Variants in MOBP observed in about 807,000 individuals in gnomAD.
The protein encoded by MOBP is myelin associated oligodendrocyte basic protein.
In MOBP, 5 loss-of-function variants were observed where a neutral mutation model predicts 15.0. The observed-to-expected ratio is 0.33, with a 90% confidence interval of 0.17 to 0.70. MOBP has a LOEUF of 0.70. Ranked by LOEUF, MOBP falls within the 30% of genes least tolerant of loss-of-function variation. The pLI is 0.67. For synonymous variants in MOBP, 88 were observed against 99.0 expected (o/e 0.89, Z 0.66); for missense variants, 188 against 257.8 (o/e 0.73, Z 1.85).
At chr3:39,523,228 G>C (rs532218551) in intron 3 of MOBP, among the ~76,000 whole-genome samples, 1 of 152,248 alleles carries the variant, frequency 6.6e-6, no homozygotes, top group Non-Finnish European at 1.5e-5. Context: ...TCTGCCCTGA[G>C]CAATATTTCT....
chr3:39,487,516 T>C (rs2042730836), intron 2 of MOBP, among the ~76,000 whole-genome samples: 1 of 138,180 alleles, frequency 7.2e-6, no homozygotes, highest in Non-Finnish European at 1.5e-5. Flanking sequence ...AGAATTTTCT[T>C]TCTTTTTTTT....
At chr3:39,473,887 C>T (rs2042504796) in intron 1 of MOBP, among the ~76,000 whole-genome samples, 1 of 152,182 alleles carries the variant, frequency 6.6e-6, no homozygotes, top group African/African-American at 2.4e-5. Context: ...TTAAACTAGA[C>T]TGGCTAAGAA....
At chr3:39,505,012 T>G (rs770332798), downstream of MOBP, among the ~76,000 whole-genome samples, 3 of 152,256 alleles carry the variant, frequency 2.0e-5, no homozygotes, top group Non-Finnish European at 4.4e-5. Context: ...AGAAACTGAT[T>G]GTACGATTTC....
intron 3 of MOBP, among the ~76,000 whole-genome samples, chr3:39,521,006 G>A (rs1256515720): frequency 6.6e-6 from 1 of 151,790 alleles, no homozygotes; most frequent in Non-Finnish European, 1.5e-5. Flanking sequence ...GAGTGCAGTG[G>A]CACAATCTCG....
intron 2 of MOBP, among the ~76,000 whole-genome samples, chr3:39,491,503 G>C (rs2042794678): frequency 6.6e-6 from 1 of 151,744 alleles, no homozygotes; most frequent in Admixed American, 6.6e-5. Flanking sequence ...GCTTCTCAAT[G>C]GGTATGATTT....
At chr3:39,491,920 G>A (rs2125643655) in intron 2 of MOBP, among the ~76,000 whole-genome samples, 1 of 152,276 alleles carries the variant, frequency 6.6e-6, no homozygotes, top group Middle Eastern at 3.4e-3. Flanking sequence ...TTTTTTGTGT[G>A]TGTATGAGGG....
chr3:39,523,318 T>C (rs1217302289), intron 3 of MOBP, among the ~76,000 whole-genome samples: 4 of 152,250 alleles, frequency 2.6e-5, no homozygotes, highest in African/African-American at 9.6e-5. Context: ...CCTCTCAGTA[T>C]AATCTGATAC....
exon 5 of MOBP, chr3:39,524,875 C>A (rs1294950861): frequency 6.6e-6 from 1 of 151,994 alleles, no homozygotes; most frequent in Admixed American, 6.5e-5. Context: ...GAAGGTAAAA[C>A]AAATCAGACA....
chr3:39,478,221 CT>C (rs1463260360), intron 1 of MOBP, among the ~76,000 whole-genome samples: 1 of 152,096 alleles, frequency 6.6e-6, no homozygotes, highest in Non-Finnish European at 1.5e-5. Flanking sequence ...CATTTTAAAT[CT>C]TTTATATTGT....
chr3:39,509,830 A>T (rs2043097105), intron 4 of MOBP, among the ~76,000 whole-genome samples: 1 of 152,160 alleles, frequency 6.6e-6, no homozygotes, highest in Non-Finnish European at 1.5e-5. Flanking sequence ...ACTGATGTAC[A>T]GGTCTACACT....
intron 2 of MOBP, among the ~76,000 whole-genome samples, chr3:39,481,805 C>T (rs766439127): frequency 6.6e-6 from 1 of 152,204 alleles, no homozygotes; most frequent in Non-Finnish European, 1.5e-5. Flanking sequence ...CAACTGTACT[C>T]GAGTAGTCCT....
In MOBP at chr3:39,502,843, G is replaced by C. The variant is rs1034386585; in HGVS notation, c.515G>C (p.Arg172Pro). 6 of 1,484,888 alleles carry C rather than the reference G, an allele frequency of 4.0e-6. No homozygotes were observed. The highest frequency in any genetic ancestry group is 4.2e-5 in the Admixed American group (2 of 47,640). The allele number at this position is 1,484,888 out of a possible 1,614,324, so 92.0% of individuals were successfully genotyped here. A position where few individuals can be genotyped will look rare whatever the true frequency, so the allele number is the denominator to read the frequency against. The change falls in exon 4 of 4, where the codon CGT (arginine) becomes CCT (proline). Residue 172 changes from arginine to proline, a missense_variant. Coordinates refer to ENST00000684792, the MANE Select transcript of MOBP (RefSeq NM_001393704.1). The surrounding 1 kb of genome is among the most constrained non-coding windows in gnomAD (Gnocchi z 6.3). ...SSPLRGPGAS[R>P]GGSPVKASRF... ...CCCCTCAGAGGGCCAGGCGCCAGCC[G>C]TGGGGGGTCCCCCGTCAAAGCTTCT...
chr3:39,523,040 A>C (rs2043289227), intron 3 of MOBP, among the ~76,000 whole-genome samples: 1 of 152,234 alleles, frequency 6.6e-6, no homozygotes, highest in African/African-American at 2.4e-5. Flanking sequence ...TGCCTTCATT[A>C]TTCAGAGTAT....
intron 2 of MOBP, among the ~76,000 whole-genome samples, chr3:39,487,518 CTTTTTTTTT>C (rs1216386382): frequency 2.0e-5 from 2 of 102,476 alleles, no homozygotes; most frequent in Admixed American, 1.1e-4. Context: ...AATTTTCTTT[CTTTTTTTTT>C]TTTTTTTTTT....
chr3:39,496,900 T>C (rs1374182342), intron 2 of MOBP, among the ~76,000 whole-genome samples: 2 of 151,874 alleles, frequency 1.3e-5, no homozygotes, highest in South Asian at 2.1e-4. Context: ...CAACCTTGGG[T>C]GATTCGCCTG....
chr3:39,501,104 G>A (rs985087363), intron 2 of MOBP, among the ~76,000 whole-genome samples: 1 of 152,174 alleles, frequency 6.6e-6, no homozygotes, highest in Admixed American at 6.5e-5. Context: ...TTTAGTTATT[G>A]TTCTGTACTC....
chr3:39,476,533 C>G (rs2042547960), intron 1 of MOBP, among the ~76,000 whole-genome samples: 1 of 152,136 alleles, frequency 6.6e-6, no homozygotes, highest in African/African-American at 2.4e-5. Flanking sequence ...TAGTAAGAAA[C>G]TGGATTCTCA....
chr3:39,496,199 C>CTTTTTT (rs539988699), intron 2 of MOBP, among the ~76,000 whole-genome samples: 2 of 144,378 alleles, frequency 1.4e-5, no homozygotes, highest in African/African-American at 2.5e-5. Context: ...TCTTTTTTTT[C>CTTTTTT]TTTTTTTTTT....
chr3:39,487,649 G>T (rs367682031), intron 2 of MOBP, among the ~76,000 whole-genome samples: 1 of 149,466 alleles, frequency 6.7e-6, no homozygotes, highest in Admixed American at 6.8e-5. Flanking sequence ...TCAGCCTCCC[G>T]AGTAGCTGGA....
Sources: gnomAD v4.1 joint callset for allele counts (sites outside exome capture counted in the v4.1 genomes callset) on GRCh38, gnomAD v4.1.1 for gene constraint, Gnocchi (gnomAD v3.1) non-coding constraint, MANE v1.5 for transcripts, NCBI Gene and HGNC (gene_info 2026-07-23, HGNC 2026-07-21) for gene names.